The following SLC15A2 variants were observed in gnomAD, a reference collection of about 807,000 sequenced individuals.
The protein encoded by SLC15A2 is solute carrier family 15 member 2, also known as kidney H(+)/peptide cotransporter.
A neutral mutation model predicts 95.5 loss-of-function variants in SLC15A2; 77 were observed. The observed-to-expected ratio is 0.81, with a 90% CI of 0.67 to 0.97. The LOEUF (loss-of-function observed/expected upper bound fraction) is 0.97. SLC15A2 is among the 50% of genes least tolerant of loss of function. The pLI is 0.00. For synonymous variants in SLC15A2, 306 were observed against 306.9 expected (o/e 1.00, Z 0.03); for missense variants, 893 against 874.4 (o/e 1.02, Z -0.27).
intron 3 of SLC15A2, among the ~76,000 whole-genome samples, chr3:121,898,685 G>C (rs1035710574): frequency 6.6e-6 from 1 of 152,166 alleles, no homozygotes; most frequent in Non-Finnish European, 1.5e-5. Flanking sequence ...ACTTCTTATA[G>C]CCTTAAATAC....
At chr3:121,914,948 C>G (rs1709855869) in intron 5 of SLC15A2, 3 of 1,083,164 alleles carry the variant, frequency 2.8e-6, no homozygotes, top group Admixed American at 3.5e-5. Context: ...TAGCTATATA[C>G]AGGATACGGT....
rs1710069776 is a variant in SLC15A2, at chr3:121,924,380, G to A, written c.1032G>A (p.Met344Ile). The A allele has an allele frequency of 1.2e-6, 2 of 1,613,316 alleles. No homozygotes were observed. Among genetic ancestry groups the A allele is most frequent in the Non-Finnish European group, 8.5e-7 (1 of 1,179,414 alleles). ...LGFFVLQPDQ[M>I]QVLNPLLVLI... Reference sequence around the variant, plus strand: ...TTTTTGTGCTTCAGCCGGACCAGATGCAGGTATGTGACTCTTCTATAGCCA... The same window carrying A: ...TTTTTGTGCTTCAGCCGGACCAGATACAGGTATGTGACTCTTCTATAGCCA... The change falls in exon 12 of 22, where the codon ATG becomes ATA. Residue 344 changes from methionine to isoleucine, a missense_variant. Physicochemically the swap from Met to Ile is conservative, Grantham distance 10. Transcript: ENST00000489711.
In SLC15A2 at chr3:121,894,527, C is replaced by T. The variant is rs775559415; in HGVS notation, c.51C>T (p.Val17=). The T allele has an allele frequency of 1.1e-5, 17 of 1,613,592 alleles. No individual in the cohort carries two copies. The highest frequency in any genetic ancestry group is 1.4e-5 in the Non-Finnish European group (17 of 1,179,798). ...CCAAGGAAACTCTTTTTTCACCTGT[C>T]TCCATTGAAGAGGTACCACCTCGAC... The part of the protein sequence containing the change: ...NESKETLFSP[V]SIEEVPPRPP... Residue 17 remains valine (V), a synonymous_variant, in exon 1 of 22, where the codon GTC becomes GTT. Transcript: ENST00000489711.
At chr3:121,932,541 T>A (rs1305205830) in intron 19 of SLC15A2, among the ~76,000 whole-genome samples, 1 of 152,164 alleles carries the variant, frequency 6.6e-6, no homozygotes, top group African/African-American at 2.4e-5. Flanking sequence ...CAAAAACAAT[T>A]GTCCTAGCAG....
At chr3:121,906,304 CT>C (rs1208502901) in intron 3 of SLC15A2, among the ~76,000 whole-genome samples, 3 of 152,204 alleles carry the variant, frequency 2.0e-5, no homozygotes, top group Admixed American at 1.3e-4. Context: ...GGTCTTGACT[CT>C]TTATCCAATT....
intron 18 of SLC15A2, 41 bp from the exon 19 acceptor site, chr3:121,931,598 A>G (rs774061707): frequency 2.2e-6 from 3 of 1,345,444 alleles, no homozygotes; most frequent in Non-Finnish European, 2.1e-6. Context: ...TGCTTTTCCA[A>G]GCCTTGATAT....
rs1483919383 is a variant in SLC15A2, at chr3:121,942,299, A to G, written c.*1292A>G. ...TCATACACAATGAATGAATCAGAGGACAGACACGGGAATGGCACGACTGTG... is the reference window on the plus strand; with the variant it reads ...TCATACACAATGAATGAATCAGAGGGCAGACACGGGAATGGCACGACTGTG... On this transcript the variant is annotated 3_prime_UTR_variant, in exon 22 of 22. Transcript: ENST00000489711. The G allele has an allele frequency of 6.6e-6, 1 of 152,216 alleles. No individual in the cohort carries two copies. Among genetic ancestry groups the G allele is most frequent in the Non-Finnish European group, 1.5e-5 (1 of 68,034 alleles). 9.4% of individuals were successfully genotyped at this position (152,216 alleles called of 1,614,324 possible).
chr3:121,905,919 C>T (rs1391033505), intron 3 of SLC15A2, among the ~76,000 whole-genome samples: 2 of 152,114 alleles, frequency 1.3e-5, no homozygotes, highest in Non-Finnish European at 2.9e-5. Context: ...CCTTCTATCT[C>T]ATTGTTCTGT....
chr3:121,909,052 A>T (rs1341148332), intron 3 of SLC15A2, among the ~76,000 whole-genome samples: 1 of 151,814 alleles, frequency 6.6e-6, no homozygotes, highest in African/African-American at 2.4e-5. Flanking sequence ...TTTTATTTTT[A>T]TTTATTTATT....
intron 19 of SLC15A2, among the ~76,000 whole-genome samples, chr3:121,932,909 C>T (rs561257504): frequency 6.6e-6 from 1 of 152,110 alleles, no homozygotes; most frequent in East Asian, 1.9e-4. Context: ...TATCCCTCCC[C>T]CCTCCGCGCA....
Position 121,942,204 on chromosome 3 carries a change from G to A in SLC15A2, c.*1197G>A, listed in dbSNP as rs1248955282. The A allele has an allele frequency of 1.3e-5, 2 of 152,186 alleles. No individual in the cohort carries two copies. Among genetic ancestry groups the A allele is most frequent in the Non-Finnish European group, 2.9e-5 (2 of 68,036 alleles). 9.4% of individuals were successfully genotyped at this position (152,186 alleles called of 1,614,324 possible). On this transcript the variant is annotated 3_prime_UTR_variant, in exon 22 of 22. Coordinates refer to ENST00000489711, the MANE Select transcript of SLC15A2 (RefSeq NM_021082.4). ...GTTCCTATCAAAATTTGTGGGAGTA[G>A]GGATGGTAGAGCATGAGGGTTTTGT...
intron 19 of SLC15A2, chr3:121,939,085 GT>G: frequency 3.3e-6 from 1 of 299,060 alleles, no homozygotes; most frequent in Non-Finnish European, 6.1e-6. Flanking sequence ...GGGCAAAACG[GT>G]GGAAATCCAA....
rs1396419253 is a variant in SLC15A2 at position 121,897,481 on chromosome 3, C to T, written c.287C>T (p.Thr96Ile). The change falls in exon 3 of 22, where the codon ACT (threonine) becomes ATT (isoleucine). Residue 96 changes from threonine to isoleucine, a missense_variant. By Grantham distance (89) the Thr-to-Ile change is moderately conservative. Coordinates refer to ENST00000489711, the MANE Select transcript of SLC15A2 (RefSeq NM_021082.4). ...GCCTTCAGCAGCCTCTGTTATTTTA[C>T]TCCCATCCTGGGAGCAGCCATTGCT... ...YHAFSSLCYF[T>I]PILGAAIADS... The T allele has an allele frequency of 6.2e-7, 1 of 1,613,852 alleles. No homozygotes were observed. Among genetic ancestry groups the T allele is most frequent in the African/African-American group, 1.3e-5 (1 of 74,892 alleles).
At position 121,923,048 on chromosome 3, in the gene SLC15A2, CATT is replaced by C; in HGVS notation, c.879_881del (p.Ile293del). 1 of 1,613,870 alleles carries C rather than the reference CATT, an allele frequency of 6.2e-7. No homozygotes were observed. The highest frequency in any genetic ancestry group is 8.5e-7 in the Non-Finnish European group (1 of 1,179,820). On this transcript the variant is annotated inframe_deletion, in exon 10 of 22. Transcript: ENST00000489711. Reference sequence around the variant, plus strand: ...CTTCCTCCTTTTCGCAGAAGCAGCTCATTATGGATGTAAAGGCACTGACCAGGG... The same window carrying C: ...CTTCCTCCTTTTCGCAGAAGCAGCTCATGGATGTAAAGGCACTGACCAGGG...
chr3:121,909,856 T>A (rs1288800665), intron 3 of SLC15A2, among the ~76,000 whole-genome samples: 1 of 152,130 alleles, frequency 6.6e-6, no homozygotes, highest in East Asian at 1.9e-4. Flanking sequence ...TGGTGTATTT[T>A]ATGTGTGGCC....
intron 4 of SLC15A2, 115 bp from the exon 5 acceptor site, chr3:121,912,906 A>G: frequency 1.5e-6 from 1 of 684,612 alleles, no homozygotes; most frequent in Non-Finnish European, 2.6e-6. Context: ...TGGGGTAGAA[A>G]TGTGAAGGGG....
At chr3:121,931,587 A>C in intron 18 of SLC15A2, 52 bp from the exon 19 acceptor site, 1 of 1,171,398 alleles carries the variant, frequency 8.5e-7, no homozygotes, top group South Asian at 1.2e-5. Context: ...GGAGATGGGA[A>C]TGCTTTTCCA....
intron 3 of SLC15A2, among the ~76,000 whole-genome samples, chr3:121,904,102 C>G (rs1004273313): frequency 1.3e-5 from 2 of 152,040 alleles, no homozygotes; most frequent in African/African-American, 2.4e-5. Context: ...ATTTTTTTCT[C>G]TTTGTAGCAA....
chr3:121,941,822 C>T lies in SLC15A2; in HGVS notation c.*815C>T, dbSNP rs1055133387. On this transcript the variant is annotated 3_prime_UTR_variant, in exon 22 of 22. Transcript: ENST00000489711. ...AGCCTCTATGGCGCTGGTCTATGCC[C>T]TTCAGTGAACAGTTGTATAAACAAT... 1.9e-4 allele frequency: 29 copies of T among 152,282 alleles called. No individual in the cohort carries two copies. Among genetic ancestry groups the T allele is most frequent in the Middle Eastern group, 3.4e-3 (1 of 292 alleles). The allele number at this position is 152,282 out of a possible 1,614,324, so 9.4% of individuals were successfully genotyped here. A position where few individuals can be genotyped will look rare whatever the true frequency, so the allele number is the denominator to read the frequency against.
Sources: gnomAD v4.1 joint callset for allele counts (sites outside exome capture counted in the v4.1 genomes callset) on GRCh38, gnomAD v4.1.1 for gene constraint, MANE v1.5 for transcripts, NCBI Gene and HGNC (gene_info 2026-07-23, HGNC 2026-07-21) for gene names.